Variants in CTNND2 observed in about 807,000 individuals in gnomAD.
CTNND2 encodes the protein catenin delta-2.
CTNND2 carries 22 observed loss-of-function variants against 144.4 expected under a neutral mutation model. The ratio of observed to expected loss-of-function variants is 0.15; its 90% CI spans 0.11 to 0.22. The LOEUF (loss-of-function observed/expected upper bound fraction) is 0.22, where lower values mean the gene tolerates loss of function less well. Among genes scored for constraint, CTNND2 ranks in the 10% least tolerant of loss-of-function variants. CTNND2 has a pLI of 1.00. For synonymous variants in CTNND2, 751 were observed against 695.6 expected, an observed-to-expected ratio of 1.08 and a Z score of -1.25; for missense variants, 1,353 against 1,618.8, an observed-to-expected ratio of 0.84 and a Z score of 2.82.
intron 3 of CTNND2, among the ~76,000 whole-genome samples, chr5:11,462,730 T>C (rs751217343): frequency 9.2e-5 from 14 of 152,188 alleles, no homozygotes; most frequent in Non-Finnish European, 1.9e-4. Flanking sequence ...TTATGTGCTG[T>C]TGTTGTTGTT....
intron 3 of CTNND2, among the ~76,000 whole-genome samples, chr5:11,544,894 A>C (rs1220935518): frequency 1.3e-5 from 2 of 151,694 alleles, no homozygotes; most frequent in African/African-American, 4.8e-5. Context: ...GGAGGCGGGC[A>C]GATCATGAGG....
At chr5:11,506,971 G>A (rs25931) in intron 3 of CTNND2, among the ~76,000 whole-genome samples, 2 of 151,960 alleles carry the variant, frequency 1.3e-5, no homozygotes, top group Non-Finnish European at 2.9e-5. Flanking sequence ...CCCTTACATC[G>A]AATTAGTTGT....
At chr5:11,622,603 A>G (rs546533293) in intron 2 of CTNND2, among the ~76,000 whole-genome samples, 21 of 152,270 alleles carry the variant, frequency 1.4e-4, no homozygotes, top group African/African-American at 5.1e-4. Context: ...AATGGCTAAA[A>G]TGATCAGATT....
chr5:11,753,092 G>A (rs1039454833), intron 1 of CTNND2, among the ~76,000 whole-genome samples: 3 of 151,776 alleles, frequency 2.0e-5, no homozygotes, highest in Admixed American at 2.0e-4. Flanking sequence ...AGACTATGGG[G>A]TTTTCTAGGT....
Position 11,769,555 on chromosome 5 carries a change from C to T in CTNND2, c.38-37283G>A, listed in dbSNP as rs141578599. Among the ~76,000 whole-genome samples the T allele has an allele frequency of 7.2e-3, 1,094 of 152,192 alleles. 5 individuals are homozygous for T. Among genetic ancestry groups the T allele is most frequent in the Non-Finnish European group, 0.013 (855 of 68,014 alleles). ...TAGAGCTTAAAAATGGCAATTTATT[C>T]TACTAATAATTTTACATAATATCCA... On this transcript the variant is annotated intron_variant, in intron 1 of 21. Transcript: ENST00000304623.
chr5:11,262,114 G>A (rs972541208), intron 9 of CTNND2, among the ~76,000 whole-genome samples: 4 of 152,076 alleles, frequency 2.6e-5, no homozygotes, highest in Non-Finnish European at 5.9e-5. Context: ...GTTACCAATC[G>A]AGACGTAAGT....
At chr5:11,075,620 A>G (rs889186927) in intron 16 of CTNND2, among the ~76,000 whole-genome samples, 8 of 152,208 alleles carry the variant, frequency 5.3e-5, no homozygotes, top group African/African-American at 1.4e-4. Context: ...CGCCTGCTGG[A>G]AACTGTGGCA....
intron 9 of CTNND2, among the ~76,000 whole-genome samples, chr5:11,308,900 G>A (rs1040513247): frequency 6.6e-6 from 1 of 152,306 alleles, no homozygotes; most frequent in Non-Finnish European, 1.5e-5. Context: ...CTCGGCAGAA[G>A]GCGAAGGGGA....
intron 1 of CTNND2, among the ~76,000 whole-genome samples, chr5:11,849,179 A>G (rs1454635972): frequency 6.6e-6 from 1 of 152,168 alleles, no homozygotes; most frequent in South Asian, 2.1e-4. Context: ...CGCAGCAGGC[A>G]AGAGAGAGAA....
intron 10 of CTNND2, among the ~76,000 whole-genome samples, chr5:11,213,696 G>T (rs533094372): frequency 1.3e-5 from 2 of 152,102 alleles, no homozygotes; most frequent in African/African-American, 2.4e-5. Flanking sequence ...TAATGGAGAA[G>T]GAGACCTTCT....
At chr5:11,495,176 C>G (rs1044044625) in intron 3 of CTNND2, among the ~76,000 whole-genome samples, 25 of 152,144 alleles carry the variant, frequency 1.6e-4, no homozygotes, top group African/African-American at 5.8e-4. Flanking sequence ...TGATTTTTAA[C>G]AACTGTATTT....
At chr5:11,443,877 A>G (rs566910088) in intron 3 of CTNND2, among the ~76,000 whole-genome samples, 1 of 152,182 alleles carries the variant, frequency 6.6e-6, no homozygotes, top group Admixed American at 6.5e-5. Context: ...TGGCATAAAA[A>G]AACTAAGCAT....
chr5:11,518,008 A>C (rs1772343160), intron 3 of CTNND2, among the ~76,000 whole-genome samples: 1 of 152,128 alleles, frequency 6.6e-6, no homozygotes, highest in Non-Finnish European at 1.5e-5. Context: ...AAAGGTGGTT[A>C]CCGGGCATTG....
At chr5:11,071,830 G>T (rs1014357891) in intron 16 of CTNND2, among the ~76,000 whole-genome samples, 1 of 152,088 alleles carries the variant, frequency 6.6e-6, no homozygotes, top group Non-Finnish European at 1.5e-5. Flanking sequence ...AAACTCCCTG[G>T]CAAAGTATCA....
At chr5:11,844,318 G>A (rs928951864) in intron 1 of CTNND2, among the ~76,000 whole-genome samples, 5 of 151,912 alleles carry the variant, frequency 3.3e-5, no homozygotes, top group Non-Finnish European at 5.9e-5. Context: ...GAGATCTAAC[G>A]TGAGTGCATT....
chr5:11,785,112 C>T (rs970880354), intron 1 of CTNND2, among the ~76,000 whole-genome samples: 3 of 152,188 alleles, frequency 2.0e-5, no homozygotes, highest in African/African-American at 7.2e-5. Context: ...TAGAGTTCTT[C>T]ATCATAATAC....
intron 2 of CTNND2, among the ~76,000 whole-genome samples, chr5:11,713,421 A>G (rs527765742): frequency 6.6e-6 from 1 of 152,016 alleles, no homozygotes; most frequent in East Asian, 1.9e-4. Flanking sequence ...TCTACTAAAA[A>G]TACAACAATT....
chr5:11,853,583 T>A (rs1795115663), intron 1 of CTNND2, among the ~76,000 whole-genome samples: 1 of 152,178 alleles, frequency 6.6e-6, no homozygotes, highest in Admixed American at 6.5e-5. Flanking sequence ...GCCACTTAGA[T>A]CCACTGACAG....
chr5:11,259,170 T>A (rs1485017805), intron 9 of CTNND2, among the ~76,000 whole-genome samples: 1 of 152,234 alleles, frequency 6.6e-6, no homozygotes. Context: ...AACTCCTGCC[T>A]GAGTTTCCAG....
Sources: allele counts gnomAD v4.1 joint callset (sites outside exome capture counted in the v4.1 genomes callset), GRCh38; gene constraint gnomAD v4.1.1; transcripts MANE v1.5; gene names NCBI Gene and HGNC (gene_info 2026-07-23, HGNC 2026-07-21).